Variants in ASPG observed in about 807,000 individuals in gnomAD.
ASPG encodes asparaginase.
A neutral mutation model predicts 63.2 loss-of-function variants in ASPG; 53 were observed. That is an observed-to-expected ratio of 0.84 (90% CI 0.67 to 1.05). ASPG has a LOEUF of 1.05. Ranked by LOEUF, ASPG falls within the 50% of genes least tolerant of loss-of-function variation. The pLI, the probability that ASPG is intolerant of heterozygous loss-of-function variation, is 0.00. For missense variants in ASPG, 741 were observed against 794.4 expected (o/e 0.93, Z 0.81); for synonymous variants, 370 against 355.0 (o/e 1.04, Z -0.48).
Position 104,111,509 on chromosome 14 carries a change from T to C in ASPG, c.1528T>C (p.Tyr510His), listed in dbSNP as rs1472306409. 4.5e-6 allele frequency: 7 copies of C among 1,550,240 alleles called. No individual in the cohort carries two copies. Among genetic ancestry groups the C allele is most frequent in the Non-Finnish European group, 6.1e-6 (7 of 1,146,802 alleles). ...EAGTELCRLA[Y>H]RADLEGLQVW... ...CTCTGCCCCCACCCCCAGGCTGGCA[T>C]ACAGGGCCGACCTCGAAGGCCTGCA... The change falls in exon 14 of 16, where the codon TAC (tyrosine) becomes CAC (histidine). Residue 510 changes from tyrosine to histidine, a missense_variant. Coordinates refer to ENST00000551177, the MANE Select transcript of ASPG (RefSeq NM_001080464.3).
intron 6 of ASPG, 66 bp downstream of exon 6, chr14:104,099,045 G>C: frequency 1.1e-5 from 17 of 1,520,084 alleles, no homozygotes; most frequent in Non-Finnish European, 1.5e-5. Flanking sequence ...GGCTGCTGCA[G>C]GGAGCTCGTG....
At position 104,110,967 on chromosome 14, in the gene ASPG, A is replaced by G. The variant is rs2037359085; in HGVS notation, c.1521-535A>G. ...CCCCCCATGCAGTCTGCCGGGGTCC[A>G]GGGCCAACCGTTATCCTGGGTTGCC... On this transcript the variant is annotated intron_variant, in intron 13 of 15. Transcript: ENST00000551177. This position sits in a 1 kb window ranked among gnomAD's most constrained non-coding sequence, Gnocchi z 4.7. 6 of 985,382 alleles carry G rather than the reference A, an allele frequency of 6.1e-6. No homozygotes were observed. In the African/African-American group the frequency reaches 7.0e-5, roughly 11 times the overall value. 61.0% of individuals were successfully genotyped at this position (985,382 alleles called of 1,614,324 possible). A position where few individuals can be genotyped will look rare whatever the true frequency, so the allele number is the denominator to read the frequency against.
intron 15 of ASPG, 135 bp from the exon 16 acceptor site, chr14:104,112,389 G>T: frequency 1.4e-6 from 1 of 695,054 alleles, no homozygotes; most frequent in Non-Finnish European, 2.7e-6. Flanking sequence ...TGGTTGTGTG[G>T]CCCTCCCATA....
rs2037339753 is a variant in ASPG at position 104,110,529 on chromosome 14, G to A, written c.1521-973G>A. 6 of 985,348 alleles carry A rather than the reference G, an allele frequency of 6.1e-6. No homozygotes were observed. The highest frequency in any genetic ancestry group is 1.7e-5 in the African/African-American group (1 of 57,342). The allele number at this position is 985,348 out of a possible 1,614,324, so 61.0% of individuals were successfully genotyped here. On this transcript the variant is annotated intron_variant, in intron 13 of 15. Coordinates refer to ENST00000551177, the MANE Select transcript of ASPG (RefSeq NM_001080464.3). This position sits in a 1 kb window ranked among gnomAD's most constrained non-coding sequence, Gnocchi z 4.7. The stretch of plus-strand genomic sequence containing the variant: ...AGTGGCCTGGCCAGCCTGAGCTGCT[G>A]GCTGGACTTGAGCCCCTCGGCTAGG...
chr14:104,089,684 G>T (rs1177082557), intron 1 of ASPG, among the ~76,000 whole-genome samples: 1 of 152,082 alleles, frequency 6.6e-6, no homozygotes, highest in Admixed American at 6.5e-5. Flanking sequence ...AAAAAGGAAC[G>T]TTTGGCCAGA....
rs201151743 is a variant in ASPG at position 104,098,891 on chromosome 14, C to T, written c.552C>T (p.Asn184=). The change falls in exon 6 of 16, where the codon AAC becomes AAT. Residue 184 remains asparagine, a synonymous_variant. Transcript: ENST00000551177. The part of the protein sequence containing the change: ...LFFQNQLFRG[N]RATKVDARRF... ...TCCAGAATCAGCTGTTTCGGGGCAA[C>T]CGGGCAACCAAGGTAGACGCTCGGA... 6.2e-7 allele frequency: 1 copy of T among 1,612,902 alleles called. No homozygotes were observed. The highest frequency in any genetic ancestry group is 8.5e-7 in the Non-Finnish European group (1 of 1,179,750).
At chr14:104,097,867 ACGTTAGAGATACGTATGGAGGTTCTG>A (rs2036670961) in intron 5 of ASPG, among the ~76,000 whole-genome samples, 3 of 49,196 alleles carry the variant, frequency 6.1e-5, no homozygotes, top group African/African-American at 1.7e-4. Context: ...TGGAGGTTCT[ACGTTAGAGATACGTATGGAGGTTCTG>A]CGTTAGAGAT....
rs1436896791 is a variant in ASPG, at chr14:104,113,129, C to G, written c.*585C>G. ...TTTCTGTCACCCCAGTATCGCTGCA[C>G]CCGGCCCCCCTCTCAGGCCAGGGCC... On this transcript the variant is annotated 3_prime_UTR_variant, in exon 16 of 16. Transcript: ENST00000551177. The G allele has an allele frequency of 5.8e-6, 1 of 172,216 alleles. No individual in the cohort carries two copies. The highest frequency in any genetic ancestry group is 1.2e-5 in the Non-Finnish European group (1 of 80,408). The allele number at this position is 172,216 out of a possible 1,614,324, so 10.7% of individuals were successfully genotyped here.
In ASPG at chr14:104,112,752, C is replaced by G. The variant is rs753286623; in HGVS notation, c.*208C>G. 1.7e-6 allele frequency: 2 copies of G among 1,200,526 alleles called. No individual in the cohort carries two copies. Among genetic ancestry groups the G allele is most frequent in the South Asian group, 1.5e-5 (1 of 67,028 alleles). 74.4% of individuals were successfully genotyped at this position (1,200,526 alleles called of 1,614,324 possible). On this transcript the variant is annotated 3_prime_UTR_variant, in exon 16 of 16. Transcript: ENST00000551177. ...GGCTCTGAGAGGCTCTGTCTGGGTC[C>G]GGGACTGTGGATGTGTGTGGGGAGT... is the stretch of plus-strand genomic sequence containing the variant.
intron 3 of ASPG, among the ~76,000 whole-genome samples, chr14:104,094,901 G>GC (rs765064773): frequency 5.6e-4 from 86 of 152,256 alleles, no homozygotes; most frequent in Non-Finnish European, 9.7e-4. Context: ...TCTTTTAATG[G>GC]CCCCCCGGGC....
intron 1 of ASPG, among the ~76,000 whole-genome samples, chr14:104,089,001 C>CTAATAATAAA (rs2036292278): frequency 6.6e-6 from 1 of 152,086 alleles, no homozygotes; most frequent in Non-Finnish European, 1.5e-5. Context: ...GGTGTGAAAG[C>CTAATAATAAA]CGGTGTTTGT....
At chr14:104,099,044 A>C in intron 6 of ASPG, 65 bp downstream of exon 6, 1 of 1,522,350 alleles carries the variant, frequency 6.6e-7, no homozygotes, top group South Asian at 1.2e-5. Flanking sequence ...GGGCTGCTGC[A>C]GGGAGCTCGT....
chr14:104,094,391 A>G (rs1318087243), intron 3 of ASPG, among the ~76,000 whole-genome samples: 1 of 151,604 alleles, frequency 6.6e-6, no homozygotes, highest in Non-Finnish European at 1.5e-5. Flanking sequence ...GGACCACAGC[A>G]CCTCTCAAAG....
rs2037416138 is a variant in ASPG, at chr14:104,112,702, T to A, written c.*158T>A. On this transcript the variant is annotated 3_prime_UTR_variant, in exon 16 of 16. Coordinates refer to ENST00000551177, the MANE Select transcript of ASPG (RefSeq NM_001080464.3). ...CAGGACGGCAATAAAGTCTCTGACA[T>A]CCCCTCACCAGGTCTGTACAGCCTG... The A allele has an allele frequency of 6.7e-7, 1 of 1,493,884 alleles. No individual in the cohort carries two copies. Among genetic ancestry groups the A allele is most frequent in the Admixed American group, 2.0e-5 (1 of 50,366 alleles). 92.5% of individuals were successfully genotyped at this position (1,493,884 alleles called of 1,614,324 possible). A position where few individuals can be genotyped will look rare whatever the true frequency, so the allele number is the denominator to read the frequency against.
chr14:104,097,448 C>T, intron 4 of ASPG, 106 bp from the exon 5 acceptor site: 1 of 1,142,302 alleles, frequency 8.8e-7, no homozygotes, highest in Non-Finnish European at 1.2e-6. Context: ...CCCACACCCG[C>T]CTGGGGCTCC....
intron 2 of ASPG, chr14:104,093,255 A>C: frequency 3.4e-6 from 2 of 585,766 alleles, no homozygotes; most frequent in Non-Finnish European, 6.2e-6. Flanking sequence ...TGGTGTGGGA[A>C]GAAGACTGCT....
Position 104,103,669 on chromosome 14 carries a change from C to G in ASPG, c.747C>G (p.Ala249=), listed in dbSNP as rs910399350. 12 of 1,547,590 alleles carry G rather than the reference C, an allele frequency of 7.8e-6. No individual in the cohort carries two copies. Among genetic ancestry groups the G allele is most frequent in the Non-Finnish European group, 1.0e-5 (12 of 1,146,490 alleles). ...GLLRLYPGIP[A]ALVRAFLQPP... ...TGCGCCTCTACCCTGGGATCCCTGC[C>G]GCCCTGGTAGGGACCGCCCCGGCCA... Residue 249 remains alanine, a synonymous_variant, in exon 7 of 16, where the codon GCC becomes GCG. Coordinates refer to ENST00000551177, the MANE Select transcript of ASPG (RefSeq NM_001080464.3).
rs1416355107 is a variant in ASPG at position 104,104,614 on chromosome 14, C to T, written c.937-8C>T. ...CGCCCTTCCTGCCCACACGCCCCCT[C>T]CTCACAGGCCATGGCGGGAGCCGGC... On this transcript the variant is annotated splice_polypyrimidine_tract_variant and splice_region_variant and intron_variant, in intron 8 of 15. Transcript: ENST00000551177. 1.9e-6 allele frequency: 3 copies of T among 1,602,678 alleles called. No homozygotes were observed. Among genetic ancestry groups the T allele is most frequent in the Non-Finnish European group, 2.6e-6 (3 of 1,173,740 alleles).
Position 104,109,147 on chromosome 14 carries a change from A to ATGT in ASPG, c.1434-80_1434-79insTTG, listed in dbSNP as rs2037276912. On this transcript the variant is annotated intron_variant, in intron 12 of 15. Coordinates refer to ENST00000551177, the MANE Select transcript of ASPG (RefSeq NM_001080464.3). This position sits in a 1 kb window ranked among gnomAD's most constrained non-coding sequence, Gnocchi z 4.8. Reference sequence around the variant, plus strand: ...CGGTCCCCGTCCCTGTGCACAGGACATGAGCTCTGCTGGCTCCTGAGTGAG... The same window carrying ATGT: ...CGGTCCCCGTCCCTGTGCACAGGACATGTTGAGCTCTGCTGGCTCCTGAGTGAG... The ATGT allele has an allele frequency of 1.5e-5, 23 of 1,569,700 alleles. No homozygotes were observed. In the South Asian group the frequency reaches 2.6e-4, roughly 18 times the overall value.
Sources: allele counts gnomAD v4.1 joint callset (sites outside exome capture counted in the v4.1 genomes callset), GRCh38; gene constraint gnomAD v4.1.1; non-coding constraint Gnocchi (gnomAD v3.1); transcripts MANE v1.5; gene names NCBI Gene and HGNC (gene_info 2026-07-23, HGNC 2026-07-21).